Variants in ZNF804B observed in about 807,000 individuals in gnomAD.
ZNF804B encodes zinc finger protein 804B, also known as zinc finger 804B.
A neutral mutation model predicts 101.4 loss-of-function variants in ZNF804B; 80 were observed. The observed-to-expected ratio is 0.79, with a 90% CI of 0.66 to 0.95. ZNF804B has a LOEUF of 0.95. Among genes scored for constraint, ZNF804B ranks in the 40% least tolerant of loss-of-function variants. ZNF804B has a pLI of 0.00. For synonymous variants in ZNF804B, 622 were observed against 558.8 expected (o/e 1.11, Z -1.59); for missense variants, 1,673 against 1,561.9 (o/e 1.07, Z -1.20).
intron 1 of ZNF804B, among the ~76,000 whole-genome samples, chr7:88,946,616 TA>T (rs1793134220): frequency 6.6e-6 from 1 of 150,994 alleles, no homozygotes; most frequent in Non-Finnish European, 1.5e-5. Context: ...GCTGGCCTCA[TA>T]AAATGAGTTA....
At chr7:88,890,843 A>C (rs1792204381) in intron 1 of ZNF804B, among the ~76,000 whole-genome samples, 1 of 152,118 alleles carries the variant, frequency 6.6e-6, no homozygotes, top group African/African-American at 2.4e-5. Context: ...ACTTATTCAT[A>C]ACACATTTAT....
At chr7:88,882,230 T>G (rs1792053255) in intron 1 of ZNF804B, among the ~76,000 whole-genome samples, 1 of 152,144 alleles carries the variant, frequency 6.6e-6, no homozygotes, top group Admixed American at 6.6e-5. Flanking sequence ...AGCAGACACT[T>G]TTCAAAAGAA....
intron 1 of ZNF804B, among the ~76,000 whole-genome samples, chr7:89,011,207 A>G (rs1313113340): frequency 2.0e-5 from 3 of 152,156 alleles, no homozygotes; most frequent in African/African-American, 4.8e-5. Context: ...CTCACCCATT[A>G]TCATGCTAAC....
intron 1 of ZNF804B, among the ~76,000 whole-genome samples, chr7:88,762,973 T>C (rs1377590747): frequency 1.3e-5 from 2 of 152,138 alleles, no homozygotes; most frequent in Non-Finnish European, 2.9e-5. Context: ...ATAAAACAAT[T>C]ATTGGTTAAG....
intron 1 of ZNF804B, among the ~76,000 whole-genome samples, chr7:89,086,355 G>A (rs536666827): frequency 6.6e-6 from 1 of 152,020 alleles, no homozygotes; most frequent in Non-Finnish European, 1.5e-5. Context: ...TTTTGCATAT[G>A]TTCCCCTACC....
chr7:89,212,231 A>T (rs556423887), intron 1 of ZNF804B, among the ~76,000 whole-genome samples: 118 of 149,480 alleles, frequency 7.9e-4, no homozygotes, highest in Admixed American at 1.4e-3. Flanking sequence ...ATAATTTTAT[A>T]GTGTCACATG....
intron 2 of ZNF804B, among the ~76,000 whole-genome samples, chr7:89,220,044 T>TGTGTATATACGTATATAC (rs1283833707): frequency 7.9e-5 from 11 of 139,682 alleles, no homozygotes; most frequent in African/African-American, 2.2e-4. Context: ...CACATATATG[T>TGTGTATATACGTATATAC]GCATATATAC....
At chr7:89,269,407 G>A (rs1347038135) in intron 2 of ZNF804B, among the ~76,000 whole-genome samples, 1 of 152,096 alleles carries the variant, frequency 6.6e-6, no homozygotes, top group East Asian at 1.9e-4. Context: ...CCTTTTTTAT[G>A]GCTGCATAGT....
At chr7:89,081,303 G>T (rs940557018) in intron 1 of ZNF804B, among the ~76,000 whole-genome samples, 1 of 151,706 alleles carries the variant, frequency 6.6e-6, no homozygotes, top group Non-Finnish European at 1.5e-5. Context: ...TACTGAACAG[G>T]GTCAGGTGTT....
intron 1 of ZNF804B, among the ~76,000 whole-genome samples, chr7:88,940,443 T>C (rs534341830): frequency 6.6e-6 from 1 of 152,034 alleles, no homozygotes; most frequent in African/African-American, 2.4e-5. Flanking sequence ...AATACATACA[T>C]AAGCTAAAAG....
At chr7:89,175,019 T>C (rs1362256134) in intron 1 of ZNF804B, among the ~76,000 whole-genome samples, 1 of 152,036 alleles carries the variant, frequency 6.6e-6, no homozygotes, top group Admixed American at 6.6e-5. Context: ...AGTTTGCAAA[T>C]ATTTTCCCTC....
At chr7:88,848,527 C>T (rs1302883935) in intron 1 of ZNF804B, among the ~76,000 whole-genome samples, 1 of 151,672 alleles carries the variant, frequency 6.6e-6, no homozygotes, top group African/African-American at 2.4e-5. Context: ...AGGGAAGAAA[C>T]CTTTTTGCAG....
intron 1 of ZNF804B, among the ~76,000 whole-genome samples, chr7:88,901,674 G>A (rs375065484): frequency 4.6e-5 from 7 of 151,870 alleles, no homozygotes; most frequent in African/African-American, 1.4e-4. Context: ...AAAGAGTACT[G>A]GTTTTGGTTA....
At chr7:89,071,023 C>T (rs1789529574) in intron 1 of ZNF804B, among the ~76,000 whole-genome samples, 1 of 152,078 alleles carries the variant, frequency 6.6e-6, no homozygotes, top group Non-Finnish European at 1.5e-5. Context: ...GTAATATTTG[C>T]ATATAACCTA....
chr7:88,935,002 A>C (rs1792945038), intron 1 of ZNF804B, among the ~76,000 whole-genome samples: 2 of 151,858 alleles, frequency 1.3e-5, no homozygotes, highest in Admixed American at 1.3e-4. Flanking sequence ...AGAGTGGGTA[A>C]AGAAAAGGTT....
At chr7:88,783,396 G>A (rs1216857920) in intron 1 of ZNF804B, among the ~76,000 whole-genome samples, 1 of 152,138 alleles carries the variant, frequency 6.6e-6, no homozygotes, top group Non-Finnish European at 1.5e-5. Context: ...TTAGTGCTGT[G>A]ACTTTGGGCG....
At chr7:88,831,701 C>G (rs1402216027) in intron 1 of ZNF804B, among the ~76,000 whole-genome samples, 1 of 151,844 alleles carries the variant, frequency 6.6e-6, no homozygotes, top group Non-Finnish European at 1.5e-5. Flanking sequence ...TTCTAACTCT[C>G]TGATTAACAG....
chr7:88,940,594 A>T (rs1793040915), intron 1 of ZNF804B, among the ~76,000 whole-genome samples: 1 of 151,734 alleles, frequency 6.6e-6, no homozygotes, highest in African/African-American at 2.4e-5. Flanking sequence ...ACATAGCAAG[A>T]CAGTGTCTCT....
intron 1 of ZNF804B, among the ~76,000 whole-genome samples, chr7:88,788,685 T>G (rs568374255): frequency 1.3e-5 from 2 of 152,276 alleles, no homozygotes; most frequent in East Asian, 3.9e-4. Flanking sequence ...ACAACATAGT[T>G]GTATAACACA....
Sources: gnomAD v4.1 joint callset for allele counts (sites outside exome capture counted in the v4.1 genomes callset) on GRCh38, gnomAD v4.1.1 for gene constraint, MANE v1.5 for transcripts, NCBI Gene and HGNC (gene_info 2026-07-23, HGNC 2026-07-21) for gene names.